Variants in MGA observed in about 807,000 individuals in gnomAD.
The protein encoded by MGA is MAX dimerization protein MGA.
Under a neutral mutation model 261.1 loss-of-function variants are expected in MGA, and 40 were observed. The ratio of observed to expected loss-of-function variants is 0.15; its 90% CI spans 0.12 to 0.20. The LOEUF (loss-of-function observed/expected upper bound fraction) is 0.20, where lower values mean the gene tolerates loss of function less well. MGA is among the 10% of genes least tolerant of loss of function. The pLI is 1.00. For synonymous variants in MGA, 1,302 were observed against 1,290.6 expected, an observed-to-expected ratio of 1.01 and a Z score of -0.19; for missense variants, 3,397 against 3,630.5, an observed-to-expected ratio of 0.94 and a Z score of 1.65.
At position 41,765,058 on chromosome 15, in the gene MGA, A is replaced by G. The variant is rs780533046; in HGVS notation, c.7917A>G (p.Leu2639=). The stretch of plus-strand genomic sequence containing the variant: ...AAGTTGCCGGTAGTGCTGTGGCTCT[A>G]CCAGGTATGTTGTAAGTGTTGTCCT... The change falls in exon 23 of 24, where the codon CTA becomes CTG. Residue 2639 remains leucine (L), a synonymous_variant. Coordinates refer to ENST00000219905, the MANE Select transcript of MGA (RefSeq NM_001164273.2). 18 of 1,613,830 alleles carry G rather than the reference A, an allele frequency of 1.1e-5. No individual in the cohort carries two copies. Among genetic ancestry groups the G allele is most frequent in the Non-Finnish European group, 1.5e-5 (18 of 1,179,850 alleles).
rs751260818 is a variant in MGA at position 41,696,579 on chromosome 15, C to A, written c.1569C>A (p.Gly523=). The A allele has an allele frequency of 6.2e-7, 1 of 1,613,896 alleles. No individual in the cohort carries two copies. Among genetic ancestry groups the A allele is most frequent in the Admixed American group, 1.7e-5 (1 of 60,008 alleles). Residue 523 remains glycine (G), a synonymous_variant, in exon 3 of 24, where the codon GGC becomes GGA. Transcript: ENST00000219905. The stretch of plus-strand genomic sequence containing the variant: ...CCAATGAGACTGCCTTCTGCTTAGG[C>A]AAGGAATCAGAAAATGGTCTTAGAA...
intron 5 of MGA, among the ~76,000 whole-genome samples, chr15:41,704,396 AC>A (rs1248813129): frequency 1.3e-5 from 2 of 152,100 alleles, no homozygotes; most frequent in African/African-American, 2.4e-5. Flanking sequence ...GCGGTGGCTC[AC>A]GCCTGTAATC....
intron 5 of MGA, among the ~76,000 whole-genome samples, chr15:41,702,693 T>C (rs2059912739): frequency 6.6e-6 from 1 of 152,212 alleles, no homozygotes; most frequent in South Asian, 2.1e-4. Flanking sequence ...AATAAGATTC[T>C]TAATTTTTCT....
chr15:41,703,370 C>CCT lies in MGA; in HGVS notation c.2188+4212_2188+4213insTC, dbSNP rs1555419065. The stretch of plus-strand genomic sequence containing the variant: ...GTCAGTTTATTCATTGTGAAGTTAC[C>CCT]CCCCCCCCCACTCCCCACCCTCCCT... On this transcript the variant is annotated intron_variant, in intron 5 of 23. Coordinates refer to ENST00000219905, the MANE Select transcript of MGA (RefSeq NM_001164273.2). 1.5e-5 allele frequency among the ~76,000 whole-genome samples: 2 copies of CCT among 129,522 alleles called. 1 individual carries two copies. Among genetic ancestry groups the CCT allele is most frequent in the Non-Finnish European group, 3.4e-5 (2 of 59,360 alleles). The allele number at this position is 129,522 out of a possible 152,430, so 85.0% of individuals were successfully genotyped here.
chr15:41,713,536 T>G lies in MGA; in HGVS notation c.3430+40T>G. The stretch of plus-strand genomic sequence containing the variant: ...AGAGTTAAAACTGTGCCATATCAGT[T>G]TTTGGAAAAGTATGGTTATTTTAGA... On this transcript the variant is annotated intron_variant, in intron 9 of 23. Transcript: ENST00000219905. The G allele has an allele frequency of 1.3e-6, 2 of 1,481,808 alleles. 1 individual carries two copies. The highest frequency in any genetic ancestry group is 2.7e-5 in the South Asian group (2 of 73,580). The allele number at this position is 1,481,808 out of a possible 1,614,324, so 91.8% of individuals were successfully genotyped here.
chr15:41,714,074 TG>T (rs1187603820), intron 9 of MGA, among the ~76,000 whole-genome samples: 3 of 152,214 alleles, frequency 2.0e-5, no homozygotes, highest in Non-Finnish European at 4.4e-5. Context: ...GTTATATCTT[TG>T]TATTTTGTTC....
At chr15:41,637,933 C>T (rs371984287) in intron 1 of MGA, among the ~76,000 whole-genome samples, 2 of 149,518 alleles carry the variant, frequency 1.3e-5, no homozygotes, top group South Asian at 2.1e-4. Context: ...TTAGTAGAGA[C>T]GGGGTTTCGT....
intron 1 of MGA, among the ~76,000 whole-genome samples, chr15:41,668,504 TTTTTAA>T (rs1270288170): frequency 6.6e-6 from 1 of 152,178 alleles, no homozygotes; most frequent in Non-Finnish European, 1.5e-5. Context: ...CAAATTTAAC[TTTTTAA>T]TTTTGTATAC....
upstream of MGA, among the ~76,000 whole-genome samples, chr15:41,655,661 C>A (rs2057151005): frequency 6.6e-6 from 1 of 152,054 alleles, no homozygotes; most frequent in Non-Finnish European, 1.5e-5. Context: ...CAGACTGTAT[C>A]CAGTCAATGG....
At chr15:41,743,308 A>T (rs930930714) in intron 15 of MGA, 136 bp downstream of exon 15, 4 of 1,136,710 alleles carry the variant, frequency 3.5e-6, no homozygotes, top group African/African-American at 3.2e-5. Context: ...TGTATTCCTG[A>T]AAACCTCTGC....
Position 41,640,612 on chromosome 15 carries a change from C to T in MGA, c.-68+19314C>T, listed in dbSNP as rs541246588. On this transcript the variant is annotated intron_variant, in intron 1 of 8. Coordinates refer to the MGA transcript ENST00000566718. ...TCGGCTCTCTGCAATGTCTGCCTCC[C>T]GGTTCAAGCGATTCTCCTGCCTCAG... is the stretch of plus-strand genomic sequence containing the variant. Among the ~76,000 whole-genome samples the T allele has an allele frequency of 1.8e-4, 27 of 152,034 alleles. No individual in the cohort carries two copies. The South Asian group carries it at 2.3e-3, about 13-fold the overall frequency.
At chr15:41,716,930 A>G (rs1417836502) in intron 9 of MGA, among the ~76,000 whole-genome samples, 1 of 152,076 alleles carries the variant, frequency 6.6e-6, no homozygotes, top group Non-Finnish European at 1.5e-5. Flanking sequence ...GTAATGGTTC[A>G]ATCCATTGCT....
intron 1 of MGA, among the ~76,000 whole-genome samples, chr15:41,623,824 G>A (rs925489840): frequency 6.7e-6 from 1 of 150,040 alleles, no homozygotes; most frequent in Admixed American, 6.6e-5. Flanking sequence ...CCCCAGGCTG[G>A]AGTGCAGTGG....
At chr15:41,707,439 A>G (rs1303551949) in intron 5 of MGA, among the ~76,000 whole-genome samples, 1 of 152,206 alleles carries the variant, frequency 6.6e-6, no homozygotes, top group African/African-American at 2.4e-5. Flanking sequence ...TGCACGTCCC[A>G]TCTCCCTTAC....
intron 5 of MGA, among the ~76,000 whole-genome samples, chr15:41,706,099 TGGTGG>T: frequency 1.3e-5 from 2 of 151,900 alleles, no homozygotes; most frequent in African/African-American, 4.8e-5. Context: ...TAGCCGGGCC[TGGTGG>T]CACACGCCTG....
Position 41,736,606 on chromosome 15 carries a change from A to G in MGA, c.4342A>G (p.Lys1448Glu). ...AGTGAGGGAGAGATTACATGGAGGCAAAGGTCTGCCTTTTTATGCAGGGCT... is the reference window on the plus strand; with the variant it reads ...AGTGAGGGAGAGATTACATGGAGGCGAAGGTCTGCCTTTTTATGCAGGGCT... The change falls in exon 13 of 24, where the codon AAA becomes GAA. Residue 1448 changes from lysine (K) to glutamate (E), a missense_variant. Physicochemically the swap from Lys to Glu is moderately conservative, Grantham distance 56. Transcript: ENST00000219905. 6.2e-7 allele frequency: 1 copy of G among 1,614,032 alleles called. No homozygotes were observed. Among genetic ancestry groups the G allele is most frequent in the East Asian group, 2.2e-5 (1 of 44,890 alleles).
chr15:41,739,872 T>C (rs753531343), intron 13 of MGA, 34 bp from the exon 14 acceptor site: 3 of 1,592,194 alleles, frequency 1.9e-6, no homozygotes, highest in Non-Finnish European at 1.7e-6. Flanking sequence ...GAGAATTTTA[T>C]CTTTACAGAA....
chr15:41,733,939 A>C (rs1257925591), intron 11 of MGA, among the ~76,000 whole-genome samples: 1 of 130,862 alleles, frequency 7.6e-6, no homozygotes, highest in Non-Finnish European at 1.6e-5. Flanking sequence ...TTTTCGAGAT[A>C]GGGCCTCACT....
chr15:41,652,122 C>T (rs1250692204), intron 1 of MGA, among the ~76,000 whole-genome samples: 4 of 147,948 alleles, frequency 2.7e-5, no homozygotes, highest in South Asian at 2.2e-4. Context: ...CCTGCCACCT[C>T]GCCCGGCTAA....
Sources: gnomAD v4.1 joint callset for allele counts (sites outside exome capture counted in the v4.1 genomes callset) on GRCh38, gnomAD v4.1.1 for gene constraint, MANE v1.5 for transcripts, NCBI Gene and HGNC (gene_info 2026-07-23, HGNC 2026-07-21) for gene names.